Variants in ENTREP2 observed in about 807,000 individuals in gnomAD.
ENTREP2 encodes the protein endosomal transmembrane epsin interactor 2.
At chr15:29,656,756 A>G in the ENTREP2 span, among the ~76,000 whole-genome samples, 1,391 of 152,276 alleles carry the variant, frequency 9.1e-3, 11 homozygotes, top group Non-Finnish European at 0.015. Context: ...GCTTGAAAGA[A>G]AGCAAAATGG....
At chr15:29,142,406 T>C in the ENTREP2 span, among the ~76,000 whole-genome samples, 29 of 152,210 alleles carry the variant, frequency 1.9e-4, no homozygotes, top group African/African-American at 6.8e-4. Flanking sequence ...CCTGGTCTGA[T>C]AGATAAGTAG....
chr15:29,625,388 C>T, the ENTREP2 span, among the ~76,000 whole-genome samples: 4 of 152,142 alleles, frequency 2.6e-5, no homozygotes, highest in Non-Finnish European at 5.9e-5. Context: ...ATTGTTAGTA[C>T]ATGCCTAGTT....
chr15:29,293,291 C>T, the ENTREP2 span, among the ~76,000 whole-genome samples: 1 of 152,004 alleles, frequency 6.6e-6, no homozygotes, highest in African/African-American at 2.4e-5. Context: ...TCGCTCTGTC[C>T]CCAGGCTGGA....
the ENTREP2 span, among the ~76,000 whole-genome samples, chr15:29,316,051 A>G: frequency 6.6e-6 from 1 of 152,218 alleles, no homozygotes; most frequent in Non-Finnish European, 1.5e-5. Flanking sequence ...GATAACTAGA[A>G]TTTTCAGGGG....
the ENTREP2 span, among the ~76,000 whole-genome samples, chr15:29,402,857 C>T: frequency 2.7e-4 from 41 of 152,176 alleles, no homozygotes; most frequent in Non-Finnish European, 4.7e-4. Flanking sequence ...ACTATTAAAA[C>T]CCAAGCCAGC....
chr15:29,562,378 C>T, the ENTREP2 span, among the ~76,000 whole-genome samples: 1 of 152,170 alleles, frequency 6.6e-6, no homozygotes, highest in South Asian at 2.1e-4. Flanking sequence ...AGAATATACA[C>T]TGAGTTTTTT....
the ENTREP2 span, chr15:29,124,575 C>CG: frequency 2.8e-5 from 24 of 863,852 alleles, no homozygotes; most frequent in East Asian, 4.3e-4. Flanking sequence ...CCCCCATTCC[C>CG]GGGGGTGGGG....
chr15:29,242,641 T>TCC, the ENTREP2 span, among the ~76,000 whole-genome samples: 1 of 152,154 alleles, frequency 6.6e-6, no homozygotes, highest in Non-Finnish European at 1.5e-5. Flanking sequence ...ACTCACATGC[T>TCC]CCCCTCCAGG....
At chr15:29,293,549 C>A in the ENTREP2 span, among the ~76,000 whole-genome samples, 4 of 152,150 alleles carry the variant, frequency 2.6e-5, no homozygotes, top group Non-Finnish European at 5.9e-5. Context: ...AGCCACCGCG[C>A]CCGGCCAAAT....
the ENTREP2 span, among the ~76,000 whole-genome samples, chr15:29,333,319 T>G: frequency 6.6e-6 from 1 of 152,238 alleles, no homozygotes; most frequent in South Asian, 2.1e-4. Flanking sequence ...CTGAGAAAAG[T>G]GAGTCCATAC....
At chr15:29,293,976 C>T in the ENTREP2 span, among the ~76,000 whole-genome samples, 87 of 152,256 alleles carry the variant, frequency 5.7e-4, 2 homozygotes, top group African/African-American at 2.0e-3. Context: ...GGAGCTGGGC[C>T]TACAATTCTG....
chr15:29,230,240 C>A, the ENTREP2 span, among the ~76,000 whole-genome samples: 1 of 152,156 alleles, frequency 6.6e-6, no homozygotes, highest in Admixed American at 6.5e-5. Context: ...TTGGCGTTTC[C>A]AATCTTATTT....
the ENTREP2 span, among the ~76,000 whole-genome samples, chr15:29,302,594 T>C: frequency 6.6e-6 from 1 of 152,138 alleles, no homozygotes; most frequent in African/African-American, 2.4e-5. Context: ...AGCTTCAAAA[T>C]GGGCATATTT....
the ENTREP2 span, among the ~76,000 whole-genome samples, chr15:29,584,849 G>A: frequency 2.0e-5 from 3 of 152,068 alleles, no homozygotes; most frequent in Non-Finnish European, 1.5e-5. Context: ...GTGAGATGAT[G>A]GATGTATTAA....
the ENTREP2 span, among the ~76,000 whole-genome samples, chr15:29,350,540 ATTTAAG>A: frequency 6.6e-6 from 1 of 152,216 alleles, no homozygotes; most frequent in Non-Finnish European, 1.5e-5. Flanking sequence ...TCAAACAGAA[ATTTAAG>A]TTTATCTCTG....
the ENTREP2 span, among the ~76,000 whole-genome samples, chr15:29,579,279 G>T: frequency 6.6e-6 from 1 of 152,138 alleles, no homozygotes; most frequent in Non-Finnish European, 1.5e-5. Flanking sequence ...TAAGCATTAG[G>T]ATGCACTCAT....
the ENTREP2 span, among the ~76,000 whole-genome samples, chr15:29,211,875 T>G: frequency 2.1e-5 from 3 of 143,748 alleles, no homozygotes; most frequent in Non-Finnish European, 4.4e-5. Context: ...TGGATTTGGT[T>G]AGCTAATATT....
At chr15:29,269,137 C>T in the ENTREP2 span, 1 of 1,614,124 alleles carries the variant, frequency 6.2e-7, no homozygotes, top group Non-Finnish European at 8.5e-7. Context: ...GATGGTGTTG[C>T]CCTTCATAAA....
chr15:29,427,262 C>T, the ENTREP2 span, among the ~76,000 whole-genome samples: 1 of 152,114 alleles, frequency 6.6e-6, no homozygotes, highest in Non-Finnish European at 1.5e-5. Context: ...CAATGATTTC[C>T]TCTCCTCCAC....
Sources: gnomAD v4.1 joint callset for allele counts (sites outside exome capture counted in the v4.1 genomes callset) on GRCh38, gnomAD v4.1.1 for gene constraint, MANE v1.5 for transcripts, NCBI Gene and HGNC (gene_info 2026-07-23, HGNC 2026-07-21) for gene names.